Variants in ECRG4 observed in about 807,000 individuals in gnomAD.
The protein encoded by ECRG4 is ECRG4 augurin precursor, also known as augurin.
In ECRG4, 18 loss-of-function variants were observed where a neutral mutation model predicts 15.8. The observed-to-expected ratio is 1.14, with a 90% CI of 0.79 to 1.69. The LOEUF (loss-of-function observed/expected upper bound fraction) is 1.69. Ranked by LOEUF, ECRG4 falls within the 40% of genes most tolerant of loss-of-function variation. The probability of loss-of-function intolerance (pLI) is 0.00; values close to 1 mark genes in which losing one functional copy is unlikely to be tolerated. For synonymous variants in ECRG4, 82 were observed against 73.9 expected (o/e 1.11, Z -0.56); for missense variants, 200 against 190.9 (o/e 1.05, Z -0.28).
Position 106,070,373 on chromosome 2 carries a change from T to C in ECRG4, c.80-1471T>C, listed in dbSNP as rs181759017. Among the ~76,000 whole-genome samples, 28 of 152,308 alleles carry C rather than the reference T, an allele frequency of 1.8e-4. 1 individual carries two copies. The highest frequency in any genetic ancestry group is 3.4e-3 in the Middle Eastern group (1 of 294). On this transcript the variant is annotated intron_variant, in intron 1 of 3. Transcript: ENST00000238044. Reference sequence around the variant, plus strand: ...GGCTCCCTGGATGGCCCAATGACTCTGAAGGCAGCCAGGTAGCACTTTAAT... The same window carrying C: ...GGCTCCCTGGATGGCCCAATGACTCCGAAGGCAGCCAGGTAGCACTTTAAT...
At chr2:106,071,110 C>A in intron 1 of ECRG4, 1 of 443,554 alleles carries the variant, frequency 2.3e-6, no homozygotes, top group South Asian at 1.6e-5. Flanking sequence ...GTGATCTGGG[C>A]AAGCTACAAA....
In ECRG4 at chr2:106,077,745, TTC is replaced by T; in HGVS notation, c.286-12_286-11del. 2 of 1,611,852 alleles carry T rather than the reference TTC, an allele frequency of 1.2e-6. No homozygotes were observed. The highest frequency in any genetic ancestry group is 1.7e-6 in the Non-Finnish European group (2 of 1,178,190). On this transcript the variant is annotated intron_variant, in intron 3 of 3. Transcript: ENST00000238044. ...ATGACCTTAAATCCATTCTCTATCA[TTC>T]TCTCTCTTTTCCTCCAGAAATTTGA...
upstream of ECRG4, chr2:106,064,264 C>A (rs2104786603): frequency 6.6e-6 from 1 of 152,348 alleles, no homozygotes; most frequent in Non-Finnish European, 1.5e-5. Flanking sequence ...TGGTTGGCCA[C>A]CATCTGTCTT....
intron 1 of ECRG4, among the ~76,000 whole-genome samples, chr2:106,067,327 G>A (rs1014625352): frequency 9.2e-5 from 14 of 151,906 alleles, no homozygotes; most frequent in African/African-American, 2.9e-4. Flanking sequence ...AGAAGAAGAA[G>A]AAAAAAGCAC....
At chr2:106,065,907 C>T in intron 1 of ECRG4, 64 bp downstream of exon 1, 4 of 1,383,070 alleles carry the variant, frequency 2.9e-6, no homozygotes, top group Non-Finnish European at 3.8e-6. Context: ...GTGGCGCTTC[C>T]ATGGTGCCCG....
At chr2:106,071,321 GT>G (rs1676362117) in intron 1 of ECRG4, among the ~76,000 whole-genome samples, 1 of 14,894 alleles carries the variant, frequency 6.7e-5, no homozygotes, top group East Asian at 1.3e-3. Context: ...GGGTAAGGCT[GT>G]AAAAAAAAAA....
At chr2:106,077,232 T>C (rs1332818162) in intron 3 of ECRG4, among the ~76,000 whole-genome samples, 1 of 152,232 alleles carries the variant, frequency 6.6e-6, no homozygotes, top group African/African-American at 2.4e-5. Flanking sequence ...GTGTACACTC[T>C]AACCAACAAC....
At chr2:106,074,205 A>T (rs1297030821) in intron 3 of ECRG4, 162 bp downstream of exon 3, 4 of 793,846 alleles carry the variant, frequency 5.0e-6, no homozygotes, top group African/African-American at 1.7e-5. Flanking sequence ...GGATCATGTT[A>T]CCTATGGTGT....
At position 106,065,854 on chromosome 2, in the gene ECRG4, C is replaced by T. The variant is rs750961850; in HGVS notation, c.79+11C>T. ...TGTGCTGGGGCCCAGGTGAGCGGGG[C>T]GATGCCAGGCTGATTGATAGCGGCA... On this transcript the variant is annotated intron_variant, in intron 1 of 3. Coordinates refer to ENST00000238044, the MANE Select transcript of ECRG4 (RefSeq NM_032411.3). The T allele has an allele frequency of 4.1e-6, 6 of 1,471,764 alleles. No individual in the cohort carries two copies. In the South Asian group the frequency reaches 6.6e-5, roughly 16 times the overall value. 91.2% of individuals were successfully genotyped at this position (1,471,764 alleles called of 1,614,324 possible). A position where few individuals can be genotyped will look rare whatever the true frequency, so the allele number is the denominator to read the frequency against.
In ECRG4 at chr2:106,071,716, G is replaced by GTGA. The variant is rs1424178380; in HGVS notation, c.80-125_80-123dup. The GTGA allele has an allele frequency of 7.5e-6, 5 of 668,840 alleles. No individual in the cohort carries two copies. The African/African-American group carries it at 9.0e-5, about 12-fold the overall frequency. 41.4% of individuals were successfully genotyped at this position (668,840 alleles called of 1,614,324 possible). ...GGGAATACAGCAAGTGTTAAATACTGTGATGTTACCAAGTTGCCAAATCAA... is the reference window on the plus strand; with the variant it reads ...GGGAATACAGCAAGTGTTAAATACTGTGATGATGTTACCAAGTTGCCAAATCAA... On this transcript the variant is annotated intron_variant, in intron 1 of 3. Coordinates refer to ENST00000238044, the MANE Select transcript of ECRG4 (RefSeq NM_032411.3).
At chr2:106,064,270 G>A (rs575316902), upstream of ECRG4, 16 of 152,326 alleles carry the variant, frequency 1.1e-4, no homozygotes, top group African/African-American at 3.8e-4. Context: ...GCCACCATCT[G>A]TCTTTACTAG....
At chr2:106,064,702 C>T (rs967002343), upstream of ECRG4, among the ~76,000 whole-genome samples, 2 of 152,080 alleles carry the variant, frequency 1.3e-5, no homozygotes, top group African/African-American at 4.8e-5. Context: ...AAGTGAGAAC[C>T]TTGGTGAAGG....
At chr2:106,071,614 G>T (rs1318768101) in intron 1 of ECRG4, among the ~76,000 whole-genome samples, 1 of 152,204 alleles carries the variant, frequency 6.6e-6, no homozygotes, top group African/African-American at 2.4e-5. Context: ...AGCTCAAATA[G>T]TAATACCCTT....
chr2:106,074,058 CG>C lies in ECRG4; in HGVS notation c.285+17del. On this transcript the variant is annotated intron_variant, in intron 3 of 3. Coordinates refer to ENST00000238044, the MANE Select transcript of ECRG4 (RefSeq NM_032411.3). ...TTGACGAAGCGGTAGGTGTTGCCTC[CG>C]GCTGCAGGCCTGGCTTCCACAGGGA... 6.2e-7 allele frequency: 1 copy of C among 1,609,012 alleles called. No individual in the cohort carries two copies. The highest frequency in any genetic ancestry group is 2.2e-4 in the Middle Eastern group (1 of 4,596).
At chr2:106,077,247 G>A (rs1676506329) in intron 3 of ECRG4, among the ~76,000 whole-genome samples, 1 of 152,174 alleles carries the variant, frequency 6.6e-6, no homozygotes, top group Admixed American at 6.5e-5. Context: ...AACAACACAG[G>A]TATAAGAGTC....
Position 106,071,322 on chromosome 2 carries a change from T to TAAAAAAAAAAAA in ECRG4, c.80-503_80-492dup, listed in dbSNP as rs10649647. ...ACCCTCTCAGTGATGGGTAAGGCTG[T>TAAAAAAAAAAAA]AAAAAAAAAAAAAAAAAAAAAAAAA... On this transcript the variant is annotated intron_variant, in intron 1 of 3. Coordinates refer to ENST00000238044, the MANE Select transcript of ECRG4 (RefSeq NM_032411.3). 2.3e-3 allele frequency among the ~76,000 whole-genome samples: 181 copies of TAAAAAAAAAAAA among 78,308 alleles called. 4 individuals are homozygous for TAAAAAAAAAAAA. The highest frequency in any genetic ancestry group is 4.9e-3 in the African/African-American group (82 of 16,862). 51.4% of individuals were successfully genotyped at this position (78,308 alleles called of 152,430 possible). A position where few individuals can be genotyped will look rare whatever the true frequency, so the allele number is the denominator to read the frequency against.
chr2:106,075,832 C>G (rs1437275530), intron 3 of ECRG4, among the ~76,000 whole-genome samples: 1 of 152,174 alleles, frequency 6.6e-6, no homozygotes, highest in Admixed American at 6.5e-5. Context: ...ACTTAATATG[C>G]ATTAAAAAGA....
chr2:106,077,753 C>G lies in ECRG4; in HGVS notation c.286-12C>G, dbSNP rs751253545. On this transcript the variant is annotated splice_polypyrimidine_tract_variant and intron_variant, in intron 3 of 3. Transcript: ENST00000238044. ...AAATCCATTCTCTATCATTCTCTCT[C>G]TTTTCCTCCAGAAATTTGAAGATGA... is the stretch of plus-strand genomic sequence containing the variant. 5 of 1,612,890 alleles carry G rather than the reference C, an allele frequency of 3.1e-6. No individual in the cohort carries two copies. In the Admixed American group the frequency reaches 8.3e-5, roughly 27 times the overall value.
At chr2:106,071,227 CTCT>C (rs375964960) in intron 1 of ECRG4, among the ~76,000 whole-genome samples, 144 of 149,122 alleles carry the variant, frequency 9.7e-4, no homozygotes, top group Non-Finnish European at 1.8e-3. Flanking sequence ...CGTGGATCCT[CTCT>C]TCTTCTTATA....
Sources: allele counts gnomAD v4.1 joint callset (sites outside exome capture counted in the v4.1 genomes callset), GRCh38; gene constraint gnomAD v4.1.1; transcripts MANE v1.5; gene names NCBI Gene and HGNC (gene_info 2026-07-23, HGNC 2026-07-21).